The following CNTNAP2 variants were observed in gnomAD, a reference collection of about 807,000 sequenced individuals.
CNTNAP2 encodes contactin associated protein 2, also known as contactin-associated protein-like 2.
CNTNAP2 carries 98 observed loss-of-function variants against 155.2 expected under a neutral mutation model. The observed-to-expected ratio is 0.63, with a 90% CI of 0.54 to 0.75. CNTNAP2 has a LOEUF of 0.75. CNTNAP2 is among the 30% of genes least tolerant of loss of function. The pLI is 0.00. For synonymous variants in CNTNAP2, 651 were observed against 631.2 expected, an observed-to-expected ratio of 1.03 and a Z score of -0.47; for missense variants, 1,727 against 1,688.1, an observed-to-expected ratio of 1.02 and a Z score of -0.40.
intron 13 of CNTNAP2, among the ~76,000 whole-genome samples, chr7:147,645,344 G>A (rs772273630): frequency 2.0e-5 from 3 of 152,054 alleles, no homozygotes; most frequent in African/African-American, 4.8e-5. Context: ...CTCTTAAGAC[G>A]ACATGGATAA....
At chr7:147,433,653 A>G (rs1000384260) in intron 10 of CNTNAP2, among the ~76,000 whole-genome samples, 3 of 152,188 alleles carry the variant, frequency 2.0e-5, no homozygotes, top group African/African-American at 7.2e-5. Flanking sequence ...TTTCAGATCA[A>G]TCAAAATTTG....
At chr7:147,070,290 A>G (rs1258760340) in intron 4 of CNTNAP2, among the ~76,000 whole-genome samples, 1 of 152,210 alleles carries the variant, frequency 6.6e-6, no homozygotes, top group Non-Finnish European at 1.5e-5. Context: ...CATCCGAAAC[A>G]CTCAAATAAA....
chr7:148,117,450 C>A (rs560772495), intron 15 of CNTNAP2, among the ~76,000 whole-genome samples: 1 of 152,328 alleles, frequency 6.6e-6, no homozygotes, highest in African/African-American at 2.4e-5. Flanking sequence ...CTCCTCCAGG[C>A]TCCGTCAGTT....
intron 1 of CNTNAP2, among the ~76,000 whole-genome samples, chr7:146,591,823 C>T (rs1360817740): frequency 2.0e-5 from 3 of 152,132 alleles, no homozygotes; most frequent in Non-Finnish European, 4.4e-5. Flanking sequence ...TGCCTGAGTC[C>T]TGTTTCTGCA....
At chr7:147,876,201 A>G (rs1305623158) in intron 13 of CNTNAP2, among the ~76,000 whole-genome samples, 1 of 151,886 alleles carries the variant, frequency 6.6e-6, no homozygotes, top group Non-Finnish European at 1.5e-5. Context: ...CTGCTCTCTC[A>G]CGTCACTTTC....
intron 1 of CNTNAP2, among the ~76,000 whole-genome samples, chr7:146,357,121 G>C (rs994345316): frequency 1.2e-4 from 18 of 149,732 alleles, no homozygotes; most frequent in African/African-American, 3.9e-4. Context: ...GGTTGGGAGA[G>C]AAATGATATT....
At chr7:146,905,444 C>T (rs1398640023) in intron 3 of CNTNAP2, among the ~76,000 whole-genome samples, 1 of 152,132 alleles carries the variant, frequency 6.6e-6, no homozygotes, top group African/African-American at 2.4e-5. Flanking sequence ...GGAAGGACTT[C>T]CCCTTTCATC....
At chr7:146,335,680 A>G (rs6975241) in intron 1 of CNTNAP2, among the ~76,000 whole-genome samples, 3,185 of 152,186 alleles carry the variant, frequency 0.021, 123 homozygotes, top group African/African-American at 0.072. Context: ...CCCTTTTAAT[A>G]TGATTTTCTA....
At chr7:148,027,160 G>A (rs1022208400) in intron 15 of CNTNAP2, among the ~76,000 whole-genome samples, 13 of 152,142 alleles carry the variant, frequency 8.5e-5, no homozygotes, top group African/African-American at 1.9e-4. Flanking sequence ...ACGAACTAAT[G>A]AAAATATTGG....
intron 2 of CNTNAP2, among the ~76,000 whole-genome samples, chr7:146,777,938 C>G (rs1170525217): frequency 6.6e-6 from 1 of 151,288 alleles, no homozygotes; most frequent in Non-Finnish European, 1.5e-5. Context: ...TGTTATATAT[C>G]TGGAAGATAT....
At chr7:147,333,698 A>G (rs1251303245) in intron 9 of CNTNAP2, among the ~76,000 whole-genome samples, 1 of 152,152 alleles carries the variant, frequency 6.6e-6, no homozygotes, top group East Asian at 1.9e-4. Flanking sequence ...TGGTTAATAG[A>G]TTTATCCTAG....
intron 20 of CNTNAP2, among the ~76,000 whole-genome samples, chr7:148,242,728 CGA>C (rs1414106696): frequency 6.6e-6 from 1 of 152,156 alleles, no homozygotes; most frequent in Non-Finnish European, 1.5e-5. Context: ...TGGGCACACA[CGA>C]GAGTTTCAAG....
At chr7:146,288,383 T>C (rs1235954384) in intron 1 of CNTNAP2, among the ~76,000 whole-genome samples, 1 of 152,074 alleles carries the variant, frequency 6.6e-6, no homozygotes, top group Non-Finnish European at 1.5e-5. Flanking sequence ...GAAAAGTTAA[T>C]TGTTTTTGGT....
At chr7:146,658,544 A>G (rs907481324) in intron 1 of CNTNAP2, among the ~76,000 whole-genome samples, 2 of 152,208 alleles carry the variant, frequency 1.3e-5, no homozygotes, top group Non-Finnish European at 2.9e-5. Flanking sequence ...ACAGGAGACA[A>G]TGGCATGAAA....
chr7:148,358,342 A>T (rs1267495703), intron 21 of CNTNAP2, among the ~76,000 whole-genome samples: 1 of 152,066 alleles, frequency 6.6e-6, no homozygotes, highest in African/African-American at 2.4e-5. Context: ...AAATGGGGGG[A>T]AGAAGGCAAG....
intron 16 of CNTNAP2, among the ~76,000 whole-genome samples, chr7:148,122,872 A>G (rs1585137918): frequency 6.6e-6 from 1 of 152,180 alleles, no homozygotes; most frequent in East Asian, 1.9e-4. Flanking sequence ...AAAAGAAAAA[A>G]AAAGAAAGAT....
chr7:148,160,870 T>C (rs2116673768), intron 17 of CNTNAP2, among the ~76,000 whole-genome samples: 1 of 152,358 alleles, frequency 6.6e-6, no homozygotes, highest in South Asian at 2.1e-4. Flanking sequence ...AGATAGTTTC[T>C]TGCCTGTGTT....
intron 1 of CNTNAP2, among the ~76,000 whole-genome samples, chr7:146,493,757 G>A (rs1370763939): frequency 6.6e-6 from 1 of 151,928 alleles, no homozygotes; most frequent in Non-Finnish European, 1.5e-5. Flanking sequence ...AAAGGAAAGA[G>A]AATAAGATAA....
chr7:148,387,089 A>AGGGAGGTATGGCAGCCTCATTTTTCC (rs1448219755), intron 22 of CNTNAP2, among the ~76,000 whole-genome samples: 3 of 152,152 alleles, frequency 2.0e-5, no homozygotes, highest in Non-Finnish European at 1.5e-5. Context: ...CACCCGTAAG[A>AGGGAGGTATGGCAGCCTCATTTTTCC]GGGAGGTATG....
Sources: gnomAD v4.1 joint callset for allele counts (sites outside exome capture counted in the v4.1 genomes callset) on GRCh38, gnomAD v4.1.1 for gene constraint, MANE v1.5 for transcripts, NCBI Gene and HGNC (gene_info 2026-07-23, HGNC 2026-07-21) for gene names.